The following TIAM1 variants were observed in gnomAD, a reference collection of about 807,000 sequenced individuals.
TIAM1 encodes TIAM Rac1 associated GEF 1, also known as rho guanine nucleotide exchange factor TIAM1.
TIAM1 carries 65 observed loss-of-function variants against 163.5 expected under a neutral mutation model. The ratio of observed to expected loss-of-function variants is 0.40; its 90% CI spans 0.33 to 0.49. The LOEUF (loss-of-function observed/expected upper bound fraction) is 0.49. Among genes scored for constraint, TIAM1 ranks in the 20% least tolerant of loss-of-function variants. The probability of loss-of-function intolerance (pLI) is 0.77; values close to 1 mark genes in which losing one functional copy is unlikely to be tolerated. For synonymous variants in TIAM1, 833 were observed against 810.1 expected, an observed-to-expected ratio of 1.03 and a Z score of -0.48; for missense variants, 1,789 against 2,044.7, an observed-to-expected ratio of 0.87 and a Z score of 2.41.
In TIAM1 at chr21:31,165,071, AG is replaced by A; in HGVS notation, c.2888-7del. 1 of 1,613,562 alleles carries A rather than the reference AG, an allele frequency of 6.2e-7. No individual in the cohort carries two copies. The highest frequency in any genetic ancestry group is 2.2e-5 in the East Asian group (1 of 44,880). On this transcript the variant is annotated splice_polypyrimidine_tract_variant and splice_region_variant and intron_variant, in intron 15 of 27. Coordinates refer to ENST00000541036, the MANE Select transcript of TIAM1 (RefSeq NM_001353694.2). ...CTCGCTGCAAAGGCTGTGCCCTGTC[AG>A]ATGAAATCAGAAGAAAATGTGGGTC...
intron 2 of TIAM1, among the ~76,000 whole-genome samples, chr21:31,301,376 T>C (rs1243641419): frequency 2.0e-5 from 3 of 152,214 alleles, no homozygotes; most frequent in African/African-American, 7.2e-5. Context: ...CCCGTAACTA[T>C]GGAACACAGA....
At chr21:31,302,273 T>C (rs1050881381) in intron 2 of TIAM1, among the ~76,000 whole-genome samples, 31 of 152,176 alleles carry the variant, frequency 2.0e-4, no homozygotes, top group African/African-American at 7.5e-4. Flanking sequence ...ACTTCCAGTA[T>C]ATTAGTCTTG....
intron 1 of TIAM1, among the ~76,000 whole-genome samples, chr21:31,555,442 C>T (rs1156345406): frequency 6.6e-6 from 1 of 152,084 alleles, no homozygotes; most frequent in Non-Finnish European, 1.5e-5. Context: ...ACACACACAT[C>T]CCCAGTGAAA....
chr21:31,553,952 G>A (rs1411970675), intron 1 of TIAM1, among the ~76,000 whole-genome samples: 1 of 152,046 alleles, frequency 6.6e-6, no homozygotes, highest in Non-Finnish European at 1.5e-5. Context: ...GTGGCTTTCT[G>A]GGGCTCATTA....
intron 2 of TIAM1, among the ~76,000 whole-genome samples, chr21:31,299,353 T>C (rs1196107865): frequency 2.0e-5 from 3 of 152,224 alleles, no homozygotes; most frequent in East Asian, 1.9e-4. Flanking sequence ...ATGACATTTC[T>C]GAGAAGGCAT....
intron 2 of TIAM1, among the ~76,000 whole-genome samples, chr21:31,422,952 A>C (rs980354187): frequency 1.3e-5 from 2 of 151,938 alleles, no homozygotes; most frequent in Non-Finnish European, 2.9e-5. Flanking sequence ...GCCCCATGAC[A>C]TGGGGCGCTC....
At chr21:31,226,284 A>C (rs2087967848) in intron 6 of TIAM1, among the ~76,000 whole-genome samples, 1 of 152,180 alleles carries the variant, frequency 6.6e-6, no homozygotes, top group African/African-American at 2.4e-5. Context: ...CTGTGAAGCA[A>C]AGGTCAGTTT....
chr21:31,520,502 G>C (rs765737573), intron 1 of TIAM1, among the ~76,000 whole-genome samples: 2 of 152,128 alleles, frequency 1.3e-5, no homozygotes, highest in Non-Finnish European at 2.9e-5. Context: ...CTCTTAAAAA[G>C]AGAAAAGGCA....
At chr21:31,220,810 A>G (rs1470185029) in intron 8 of TIAM1, among the ~76,000 whole-genome samples, 2 of 152,224 alleles carry the variant, frequency 1.3e-5, no homozygotes, top group Non-Finnish European at 2.9e-5. Flanking sequence ...ATCTTTGCCC[A>G]GACAATGCCT....
chr21:31,442,711 CA>C (rs1245175325), intron 2 of TIAM1, among the ~76,000 whole-genome samples: 4 of 152,062 alleles, frequency 2.6e-5, no homozygotes, highest in African/African-American at 9.7e-5. Context: ...ATGGATAAGC[CA>C]AAGAGAGGAT....
chr21:31,166,368 G>A (rs1200784141), intron 15 of TIAM1, among the ~76,000 whole-genome samples: 4 of 152,180 alleles, frequency 2.6e-5, no homozygotes, highest in African/African-American at 7.2e-5. Context: ...TGCTTTAGAT[G>A]AAAGATTCCG....
chr21:31,336,693 A>G (rs1482656585), intron 2 of TIAM1, among the ~76,000 whole-genome samples: 1 of 152,106 alleles, frequency 6.6e-6, no homozygotes, highest in Non-Finnish European at 1.5e-5. Flanking sequence ...GGGAGAGCTC[A>G]GAAGGGTAAC....
intron 1 of TIAM1, among the ~76,000 whole-genome samples, chr21:31,548,052 G>T (rs1044271390): frequency 2.7e-5 from 4 of 150,698 alleles, no homozygotes; most frequent in Admixed American, 2.6e-4. Context: ...AGATAGCTCA[G>T]TTCCAAATAT....
chr21:31,465,573 TTC>T (rs973581845), intron 1 of TIAM1, among the ~76,000 whole-genome samples: 3 of 131,510 alleles, frequency 2.3e-5, no homozygotes, highest in African/African-American at 5.4e-5. Flanking sequence ...AGTAGTGATC[TTC>T]TTTTTTTTTT....
intron 2 of TIAM1, among the ~76,000 whole-genome samples, chr21:31,380,027 G>A (rs1052979141): frequency 3.3e-5 from 5 of 152,136 alleles, no homozygotes; most frequent in African/African-American, 1.2e-4. Context: ...CTTTTGGGAG[G>A]CTAAGGCAGG....
At chr21:31,472,061 C>A (rs1376054444) in intron 1 of TIAM1, among the ~76,000 whole-genome samples, 2 of 152,000 alleles carry the variant, frequency 1.3e-5, no homozygotes, top group Non-Finnish European at 2.9e-5. Flanking sequence ...TGGTTAAGAG[C>A]CTGGATGGGG....
At chr21:31,540,448 T>C (rs1207879294) in intron 1 of TIAM1, among the ~76,000 whole-genome samples, 1 of 148,982 alleles carries the variant, frequency 6.7e-6, no homozygotes, top group Non-Finnish European at 1.5e-5. Context: ...CTTATAAAAG[T>C]ATTCAAGTGG....
chr21:31,428,512 A>G (rs1034878160), intron 2 of TIAM1, among the ~76,000 whole-genome samples: 1 of 152,186 alleles, frequency 6.6e-6, no homozygotes, highest in African/African-American at 2.4e-5. Context: ...CAATTTAATT[A>G]AATATATATA....
chr21:31,180,482 T>G (rs916033245), intron 15 of TIAM1, among the ~76,000 whole-genome samples: 2 of 151,450 alleles, frequency 1.3e-5, no homozygotes, highest in Admixed American at 1.3e-4. Flanking sequence ...AAACAGGTGG[T>G]GGGCTGCTTT....
Sources: allele counts gnomAD v4.1 joint callset (sites outside exome capture counted in the v4.1 genomes callset), GRCh38; gene constraint gnomAD v4.1.1; transcripts MANE v1.5; gene names NCBI Gene and HGNC (gene_info 2026-07-23, HGNC 2026-07-21).